Variants in RGS12 observed in about 807,000 individuals in gnomAD.
RGS12 encodes regulator of G-protein signaling 12.
Under a neutral mutation model 120.1 loss-of-function variants are expected in RGS12, and 66 were observed. That is an observed-to-expected ratio of 0.55 (90% CI 0.45 to 0.67). The LOEUF (loss-of-function observed/expected upper bound fraction) is 0.67, where lower values mean the gene tolerates loss of function less well. RGS12 is among the 30% of genes least tolerant of loss of function. The pLI, the probability that RGS12 is intolerant of heterozygous loss-of-function variation, is 0.00. For synonymous variants in RGS12, 827 were observed against 804.7 expected, an observed-to-expected ratio of 1.03 and a Z score of -0.47; for missense variants, 1,859 against 1,957.7, an observed-to-expected ratio of 0.95 and a Z score of 0.95.
At chr4:3,439,342 A>T (rs1725114244) in intron 17 of RGS12, 113 bp from the exon 18 acceptor site, 2 of 1,071,894 alleles carry the variant, frequency 1.9e-6, no homozygotes, top group South Asian at 2.6e-5. Context: ...TGTTTGGGAT[A>T]TTTCAGGGAC....
At chr4:3,428,839 A>G (rs1723950092) in intron 16 of RGS12, 128 bp downstream of exon 16, 2 of 805,024 alleles carry the variant, frequency 2.5e-6, no homozygotes, top group Non-Finnish European at 3.9e-6. Context: ...CCTGGAAGAC[A>G]TGTTTCTCCC....
chr4:3,381,731 A>G (rs1224353747), intron 3 of RGS12, among the ~76,000 whole-genome samples: 1 of 152,230 alleles, frequency 6.6e-6, no homozygotes, highest in Non-Finnish European at 1.5e-5. Context: ...TATTGGAACT[A>G]CAAGATGAGA....
At chr4:3,406,973 G>A (rs1445185109) in intron 4 of RGS12, among the ~76,000 whole-genome samples, 11 of 152,226 alleles carry the variant, frequency 7.2e-5, no homozygotes, top group Admixed American at 7.2e-4. Flanking sequence ...CGCTGTTTGA[G>A]TGATCACCTG....
At chr4:3,411,888 G>A (rs955278945) in intron 4 of RGS12, among the ~76,000 whole-genome samples, 3 of 152,276 alleles carry the variant, frequency 2.0e-5, no homozygotes, top group Admixed American at 6.5e-5. Context: ...GCTGGTGCGC[G>A]TCTTCTTGCA....
chr4:3,335,079 A>G (rs34849917), intron 2 of RGS12, among the ~76,000 whole-genome samples: 8,247 of 152,248 alleles, frequency 0.054, 247 homozygotes, highest in South Asian at 0.095. Flanking sequence ...GTCCTAGTCA[A>G]TTGCTTGGGA....
At chr4:3,304,768 T>C (rs1330675729) in intron 1 of RGS12, among the ~76,000 whole-genome samples, 1 of 152,210 alleles carries the variant, frequency 6.6e-6, no homozygotes, top group South Asian at 2.1e-4. Context: ...CACCTAGATA[T>C]AAGTACAGCA....
At chr4:3,347,350 C>T (rs760273683) in intron 3 of RGS12, among the ~76,000 whole-genome samples, 2 of 151,914 alleles carry the variant, frequency 1.3e-5, no homozygotes, top group African/African-American at 2.4e-5. Context: ...AGGGTGAGGC[C>T]GGAGAATGGC....
chr4:3,358,221 G>C (rs1338852715), intron 3 of RGS12, among the ~76,000 whole-genome samples: 2 of 152,064 alleles, frequency 1.3e-5, no homozygotes, highest in East Asian at 3.8e-4. Flanking sequence ...TCATTTGTTA[G>C]CTCTAGTAGG....
intron 3 of RGS12, among the ~76,000 whole-genome samples, chr4:3,376,171 T>C (rs1392630063): frequency 1.3e-5 from 2 of 152,168 alleles, no homozygotes; most frequent in Admixed American, 6.5e-5. Context: ...CTGCTGCTGC[T>C]TTGAAAGGCT....
At chr4:3,385,478 C>G (rs1718743596) in intron 3 of RGS12, 1 of 152,708 alleles carries the variant, frequency 6.5e-6, no homozygotes, top group African/African-American at 2.4e-5. Context: ...CTGGGCTTGT[C>G]CCGTACCTGC....
chr4:3,305,543 C>T (rs148520613), intron 1 of RGS12, among the ~76,000 whole-genome samples: 1,587 of 152,330 alleles, frequency 0.01, 23 homozygotes, highest in Middle Eastern at 0.034. Flanking sequence ...AGAGACACGC[C>T]GTCAGCTCAT....
intron 1 of RGS12, among the ~76,000 whole-genome samples, chr4:3,294,594 T>G (rs962540816): frequency 6.6e-6 from 1 of 151,952 alleles, no homozygotes; most frequent in Admixed American, 6.6e-5. Context: ...GCTCTGCAGG[T>G]GGGGGAGGCC....
intron 1 of RGS12, among the ~76,000 whole-genome samples, chr4:3,311,477 C>A (rs1288241985): frequency 4.6e-5 from 7 of 152,154 alleles, no homozygotes; most frequent in African/African-American, 9.7e-5. Context: ...CCTCTTTACA[C>A]CATGAGTTTT....
In RGS12 at chr4:3,356,943, A is replaced by G. The variant is rs184097485; in HGVS notation, c.1998+13890A>G. 2.2e-4 allele frequency among the ~76,000 whole-genome samples: 33 copies of G among 152,166 alleles called. No homozygotes were observed. The South Asian group carries it at 3.3e-3, about 15-fold the overall frequency. On this transcript the variant is annotated intron_variant, in intron 3 of 17. Transcript: ENST00000336727. Reference sequence around the variant, plus strand: ...AATTTCTGTATCATACGGTAGTCCTATTTTTAATTTTTGAGGAACCACCGT... The same window carrying G: ...AATTTCTGTATCATACGGTAGTCCTGTTTTTAATTTTTGAGGAACCACCGT...
Position 3,439,630 on chromosome 4 carries a change from C to T in RGS12, c.4290C>T (p.Val1430=), listed in dbSNP as rs759031998. 1 of 1,593,442 alleles carries T rather than the reference C, an allele frequency of 6.3e-7. No individual in the cohort carries two copies. The highest frequency in any genetic ancestry group is 8.5e-7 in the Non-Finnish European group (1 of 1,169,932). Residue 1430 remains valine, a synonymous_variant, in exon 18 of 18, where the codon GTC becomes GTT. Coordinates refer to ENST00000336727, the MANE Select transcript of RGS12 (RefSeq NM_001394154.1). ...CAGACCTCCCTGGCTTGGGCCCCGT[C>T]CCGGGTGAGCCTGCTAAGCCCAAGA... ...PTSDLPGLGP[V]PGEPAKPKTS... is the part of the protein sequence containing the mutation.
At chr4:3,289,266 C>T (rs556370862), upstream of RGS12, among the ~76,000 whole-genome samples, 60 of 152,112 alleles carry the variant, frequency 3.9e-4, no homozygotes, top group African/African-American at 1.3e-3. Context: ...TGCAGTGGCG[C>T]GATCTTGGCT....
chr4:3,410,088 GAA>G (rs968485587), intron 4 of RGS12, among the ~76,000 whole-genome samples: 1 of 152,096 alleles, frequency 6.6e-6, no homozygotes, highest in African/African-American at 2.4e-5. Flanking sequence ...ATTGTCTCAG[GAA>G]AAAAAGCTGG....
At chr4:3,371,927 T>C (rs572251663) in intron 3 of RGS12, among the ~76,000 whole-genome samples, 3 of 152,268 alleles carry the variant, frequency 2.0e-5, no homozygotes, top group East Asian at 3.9e-4. Context: ...GTTGCCCGAC[T>C]CCATTCAAAG....
Position 3,318,038 on chromosome 4 carries a change from A to T in RGS12, c.1868A>T (p.Lys623Met), listed in dbSNP as rs1724917981. The T allele has an allele frequency of 3.2e-6, 5 of 1,586,010 alleles. No individual in the cohort carries two copies. The African/African-American group carries it at 5.5e-5, about 18-fold the overall frequency. ...CCCCATCGAAATGTTCGAAAGACTA[A>T]GGAAGATAAAAAGGTAAGCCTGCCA... Reference protein sequence around the residue: ...FGPHRNVRKTKEDKKGSKFGR... With the variant: ...FGPHRNVRKTMEDKKGSKFGR... The change falls in exon 2 of 18, where the codon AAG becomes ATG. Residue 623 changes from lysine (K) to methionine (M), a missense_variant. This residue lies in a region of RGS12 where 967 missense variants were observed against 994.2 expected (regional missense o/e 0.97). Transcript: ENST00000336727.
Sources: gnomAD v4.1 joint callset for allele counts (sites outside exome capture counted in the v4.1 genomes callset) on GRCh38, gnomAD v4.1.1 for gene constraint, gnomAD v4.1.1 regional missense constraint, MANE v1.5 for transcripts, NCBI Gene and HGNC (gene_info 2026-07-23, HGNC 2026-07-21) for gene names.